Variants in SBF2 observed in about 807,000 individuals in gnomAD.
SBF2 encodes myotubularin-related protein 13.
A neutral mutation model predicts 225.2 loss-of-function variants in SBF2; 112 were observed. That is an observed-to-expected ratio of 0.50 (90% CI 0.43 to 0.58). SBF2 has a LOEUF of 0.58. SBF2 is among the 20% of genes least tolerant of loss of function. SBF2 has a pLI of 0.00. For missense variants in SBF2, 1,996 were observed against 2,206.2 expected, an observed-to-expected ratio of 0.90 and a Z score of 1.91; for synonymous variants, 763 against 773.3, an observed-to-expected ratio of 0.99 and a Z score of 0.22.
chr11:10,147,660 C>T (rs917419230), intron 2 of SBF2, among the ~76,000 whole-genome samples: 5 of 152,060 alleles, frequency 3.3e-5, no homozygotes, highest in African/African-American at 4.8e-5. Flanking sequence ...TACAAACAAA[C>T]CCCCGTGACA....
chr11:9,959,427 G>A (rs1866413034), intron 16 of SBF2: 4 of 1,054,836 alleles, frequency 3.8e-6, no homozygotes, highest in South Asian at 2.5e-5. Context: ...CAAACCAGGG[G>A]TGCTGGTTGC....
intron 25 of SBF2, among the ~76,000 whole-genome samples, chr11:9,841,313 T>C (rs1856122397): frequency 1.3e-5 from 2 of 152,174 alleles, no homozygotes; most frequent in Admixed American, 6.5e-5. Flanking sequence ...TTTTGTTCCA[T>C]GAAATATAAA....
intron 29 of SBF2, among the ~76,000 whole-genome samples, chr11:9,816,248 C>A (rs1009919440): frequency 6.6e-6 from 1 of 152,062 alleles, no homozygotes; most frequent in African/African-American, 2.4e-5. Flanking sequence ...TTTAGCGCAA[C>A]AATTTAACAG....
intron 1 of SBF2, among the ~76,000 whole-genome samples, chr11:10,228,130 A>C (rs547761818): frequency 6.6e-6 from 1 of 151,740 alleles, no homozygotes; most frequent in South Asian, 2.1e-4. Flanking sequence ...TTTGTCTGTT[A>C]TTGGTGTATA....
chr11:9,846,117 C>G (rs757215384), intron 23 of SBF2, among the ~76,000 whole-genome samples: 1 of 152,158 alleles, frequency 6.6e-6, no homozygotes, highest in Non-Finnish European at 1.5e-5. Flanking sequence ...GAAAAGAAAT[C>G]CATTTGACTA....
chr11:10,154,038 C>T (rs535475491), intron 2 of SBF2, among the ~76,000 whole-genome samples: 125 of 151,932 alleles, frequency 8.2e-4, no homozygotes, highest in African/African-American at 2.8e-3. Context: ...TATTGTTTAT[C>T]GTCTATCTTG....
At chr11:10,108,316 C>T (rs1404964483) in intron 2 of SBF2, among the ~76,000 whole-genome samples, 1 of 152,000 alleles carries the variant, frequency 6.6e-6, no homozygotes, top group Admixed American at 6.5e-5. Context: ...CAATTAGTTC[C>T]CTGAGCATTG....
chr11:10,199,305 G>C (rs995899721), intron 1 of SBF2, among the ~76,000 whole-genome samples: 6 of 151,870 alleles, frequency 4.0e-5, no homozygotes, highest in Admixed American at 2.6e-4. Flanking sequence ...ACCTTTCATG[G>C]GTGTAGTCTG....
At chr11:10,071,997 C>G (rs1950900227) in intron 2 of SBF2, among the ~76,000 whole-genome samples, 1 of 152,190 alleles carries the variant, frequency 6.6e-6, no homozygotes, top group African/African-American at 2.4e-5. Context: ...CTCCACCCTT[C>G]ACCTCCAGCC....
At chr11:9,864,874 C>G (rs912931925) in intron 17 of SBF2, among the ~76,000 whole-genome samples, 1 of 152,004 alleles carries the variant, frequency 6.6e-6, no homozygotes, top group African/African-American at 2.4e-5. Context: ...AAGATATAAT[C>G]TAAATTCTCC....
chr11:9,938,002 A>G (rs1050057637), intron 16 of SBF2, among the ~76,000 whole-genome samples: 3 of 151,994 alleles, frequency 2.0e-5, no homozygotes, highest in African/African-American at 7.2e-5. Flanking sequence ...GAAAATATTA[A>G]ATTTTCAGGG....
In SBF2 at chr11:9,850,029, G is replaced by T; in HGVS notation, c.2800C>A (p.Gln934Lys). 2 of 1,613,864 alleles carry T rather than the reference G, an allele frequency of 1.2e-6. No individual in the cohort carries two copies. Among genetic ancestry groups the T allele is most frequent in the South Asian group, 2.2e-5 (2 of 90,968 alleles). ...ATGGCATATCGAGTCATACCTAACT[G>T]ATCATGGGGTGTTCCTCTGAAGAGA... Reference protein sequence around the residue: ...RILFRGTPHDQLVGEQTVVRS... With the variant: ...RILFRGTPHDKLVGEQTVVRS... The change falls in exon 22 of 40, where the codon CAG becomes AAG. Residue 934 changes from glutamine (Q) to lysine (K), a missense_variant. Physicochemically the swap from Gln to Lys is moderately conservative, Grantham distance 53 (BLOSUM62 1). Coordinates refer to ENST00000256190, the MANE Select transcript of SBF2 (RefSeq NM_030962.4).
intron 14 of SBF2, among the ~76,000 whole-genome samples, chr11:9,966,856 C>A (rs910948408): frequency 2.0e-5 from 3 of 152,114 alleles, no homozygotes; most frequent in Non-Finnish European, 2.9e-5. Context: ...GGCAGCTCCT[C>A]AAAACATTAA....
At chr11:9,942,379 G>A (rs957885711) in intron 16 of SBF2, among the ~76,000 whole-genome samples, 15 of 152,224 alleles carry the variant, frequency 9.9e-5, no homozygotes, top group African/African-American at 3.6e-4. Context: ...AGACATTAAA[G>A]ATCTAGATGT....
At chr11:10,225,874 T>C (rs913185953) in intron 1 of SBF2, among the ~76,000 whole-genome samples, 1 of 152,168 alleles carries the variant, frequency 6.6e-6, no homozygotes, top group African/African-American at 2.4e-5. Flanking sequence ...AAAGCACTCA[T>C]ATACCCCACA....
intron 2 of SBF2, among the ~76,000 whole-genome samples, chr11:10,135,526 G>A (rs1954304182): frequency 6.6e-6 from 1 of 152,148 alleles, no homozygotes; most frequent in African/African-American, 2.4e-5. Context: ...GCCTTTAACA[G>A]CACCCAAGTC....
intron 1 of SBF2, among the ~76,000 whole-genome samples, chr11:10,247,561 G>T (rs1349328544): frequency 3.3e-5 from 5 of 151,834 alleles, no homozygotes; most frequent in Non-Finnish European, 7.4e-5. Context: ...AGGCGTGGTG[G>T]CAGTCACCTG....
chr11:10,143,176 A>AT (rs201123812), intron 2 of SBF2, among the ~76,000 whole-genome samples: 2,733 of 147,254 alleles, frequency 0.019, 81 homozygotes, highest in African/African-American at 0.062. Context: ...GTCAATTATG[A>AT]TTTTTTTTTT....
upstream of SBF2, among the ~76,000 whole-genome samples, chr11:10,294,702 G>A (rs1280974260): frequency 6.6e-6 from 1 of 152,234 alleles, no homozygotes; most frequent in Non-Finnish European, 1.5e-5. Flanking sequence ...GACGGGGGAG[G>A]GAGAGGCTTT....
Sources: gnomAD v4.1 joint callset for allele counts (sites outside exome capture counted in the v4.1 genomes callset) on GRCh38, gnomAD v4.1.1 for gene constraint, MANE v1.5 for transcripts, NCBI Gene and HGNC (gene_info 2026-07-23, HGNC 2026-07-21) for gene names.